VPS35L: variants seen among roughly 807,000 people sequenced by gnomAD.
The protein encoded by VPS35L is VPS35 endosomal protein sorting factor like, also known as VPS35 endosomal protein-sorting factor-like.
In VPS35L, 83 loss-of-function variants were observed where a neutral mutation model predicts 133.0. The observed-to-expected ratio is 0.62, with a 90% CI of 0.52 to 0.75. The LOEUF (loss-of-function observed/expected upper bound fraction) is 0.75, where lower values mean the gene tolerates loss of function less well. Ranked by LOEUF, VPS35L falls within the 30% of genes least tolerant of loss-of-function variation. VPS35L has a pLI of 0.00. For synonymous variants in VPS35L, 423 were observed against 449.9 expected (o/e 0.94, Z 0.76); for missense variants, 1,083 against 1,206.8 (o/e 0.90, Z 1.52).
intron 19 of VPS35L, among the ~76,000 whole-genome samples, chr16:19,636,521 C>T (rs935499091): frequency 1.3e-5 from 2 of 152,162 alleles, no homozygotes; most frequent in African/African-American, 4.8e-5. Flanking sequence ...GACAGCATTG[C>T]AGTGTCTTAC....
chr16:19,581,811 C>T, intron 7 of VPS35L, 158 bp downstream of exon 7: 1 of 929,032 alleles, frequency 1.1e-6, no homozygotes, highest in Non-Finnish European at 1.6e-6. Context: ...GATTATGAAT[C>T]TGTGTTTTTA....
intron 19 of VPS35L, among the ~76,000 whole-genome samples, chr16:19,634,523 G>T (rs1485944037): frequency 6.6e-6 from 1 of 152,018 alleles, no homozygotes; most frequent in Non-Finnish European, 1.5e-5. Flanking sequence ...GGATCAAATG[G>T]AATTAGAACA....
intron 21 of VPS35L, among the ~76,000 whole-genome samples, 166 bp downstream of exon 21, chr16:19,640,266 T>C (rs1259356964): frequency 6.6e-6 from 1 of 151,892 alleles, no homozygotes; most frequent in Non-Finnish European, 1.5e-5. Flanking sequence ...CTGATAAAAG[T>C]TTGTAATTCG....
Position 19,564,934 on chromosome 16 carries a change from C to CAGGAAAATGCTTT in VPS35L, c.101_102insAGGAAAATGCTTT (p.Leu35GlyfsTer47), listed in dbSNP as rs1971140897. ...CCATTGGAGTTTGGGGACTATCACC[C>CAGGAAAATGCTTT]TCTGAAACCCATAACTGTAAGTTTT... On this transcript the variant is annotated frameshift_variant, in exon 2 of 31. Coordinates refer to ENST00000417362, the MANE Select transcript of VPS35L (RefSeq NM_020314.7). LOFTEE classifies it high-confidence loss of function. The CAGGAAAATGCTTT allele has an allele frequency of 6.2e-7, 1 of 1,609,016 alleles. No individual in the cohort carries two copies. Among genetic ancestry groups the CAGGAAAATGCTTT allele is most frequent in the Admixed American group, 1.7e-5 (1 of 59,962 alleles).
chr16:19,691,948 C>T (rs2151626876), intron 29 of VPS35L, among the ~76,000 whole-genome samples: 2 of 151,628 alleles, frequency 1.3e-5, no homozygotes, highest in South Asian at 4.2e-4. Flanking sequence ...AATCTCGGCT[C>T]ACTGCAACCT....
At chr16:19,648,188 T>G (rs1411406447) in intron 24 of VPS35L, among the ~76,000 whole-genome samples, 1 of 152,058 alleles carries the variant, frequency 6.6e-6, no homozygotes, top group Non-Finnish European at 1.5e-5. Flanking sequence ...TGGTCTCAAA[T>G]TCCTCACATC....
intron 3 of VPS35L, among the ~76,000 whole-genome samples, chr16:19,570,873 A>ATTTTT (rs1438392929): frequency 1.8e-5 from 1 of 56,870 alleles, no homozygotes; most frequent in African/African-American, 1.3e-4. Flanking sequence ...ATATATATAT[A>ATTTTT]TATATATATA....
At position 19,563,447 on chromosome 16, in the gene VPS35L, G is replaced by A. The variant is rs573235631; in HGVS notation, c.18-1404G>A. 1.3e-3 allele frequency among the ~76,000 whole-genome samples: 204 copies of A among 152,262 alleles called. 2 individuals are homozygous for A. The South Asian group carries it at 0.037, about 28-fold the overall frequency. On this transcript the variant is annotated intron_variant, in intron 1 of 30. Transcript: ENST00000417362. ...GCCACAGATGTTTCTTGAGTCTGTA[G>A]CTTGATGTCTTTCTTTGGTTTTGGA... is the stretch of plus-strand genomic sequence containing the variant.
chr16:19,571,374 A>G (rs1971380024), intron 3 of VPS35L, among the ~76,000 whole-genome samples: 2 of 151,548 alleles, frequency 1.3e-5, no homozygotes, highest in Admixed American at 1.3e-4. Flanking sequence ...GTGCCACCGC[A>G]CTCAGCTAAT....
intron 26 of VPS35L, among the ~76,000 whole-genome samples, chr16:19,662,424 C>T (rs916909301): frequency 3.3e-5 from 5 of 152,130 alleles, no homozygotes; most frequent in South Asian, 2.1e-4. Context: ...AAGACTGACA[C>T]GGATATTTTG....
chr16:19,561,152 G>C (rs539257888), intron 1 of VPS35L, among the ~76,000 whole-genome samples: 1 of 151,982 alleles, frequency 6.6e-6, no homozygotes, highest in African/African-American at 2.4e-5. Context: ...GGCAGATCAC[G>C]AGGTCGGGAG....
chr16:19,575,604 T>C (rs1971506650), intron 5 of VPS35L, among the ~76,000 whole-genome samples: 2 of 143,510 alleles, frequency 1.4e-5, no homozygotes, highest in Non-Finnish European at 3.0e-5. Flanking sequence ...GGCTCACCTG[T>C]GTAATCCCAG....
chr16:19,608,126 C>T (rs753478991), intron 9 of VPS35L, 52 bp from the exon 10 acceptor site: 13 of 1,398,920 alleles, frequency 9.3e-6, no homozygotes, highest in Non-Finnish European at 1.3e-5. Flanking sequence ...CAGGGACTCA[C>T]ACAGATCCTG....
chr16:19,643,945 C>T (rs1324548637), intron 22 of VPS35L, among the ~76,000 whole-genome samples: 1 of 151,892 alleles, frequency 6.6e-6, no homozygotes, highest in Non-Finnish European at 1.5e-5. Flanking sequence ...GCAACAAGAG[C>T]GAAACTCCAT....
chr16:19,633,102 T>G lies in VPS35L; in HGVS notation c.1565T>G (p.Val522Gly), dbSNP rs759624038. Reference sequence around the variant, plus strand: ...CTTTTTCCTGCTTAGAAACGAGAGGTGAATACCGTTTTGGCAGATGTCATC... The same window carrying G: ...CTTTTTCCTGCTTAGAAACGAGAGGGGAATACCGTTTTGGCAGATGTCATC... ...YTCKHFTKREVNTVLADVIKH... is the reference protein window; with the variant it reads ...YTCKHFTKREGNTVLADVIKH... Residue 522 changes from valine (V) to glycine (G), a missense_variant, in exon 19 of 31, where the codon GTG becomes GGG. Transcript: ENST00000417362. This position sits in a 1 kb window ranked among gnomAD's most constrained non-coding sequence, Gnocchi z 4.1. 2 of 1,614,036 alleles carry G rather than the reference T, an allele frequency of 1.2e-6. No homozygotes were observed. Among genetic ancestry groups the G allele is most frequent in the Non-Finnish European group, 8.5e-7 (1 of 1,179,970 alleles).
chr16:19,654,234 C>CT (rs1974225896), intron 26 of VPS35L, among the ~76,000 whole-genome samples: 1 of 152,164 alleles, frequency 6.6e-6, no homozygotes, highest in Admixed American at 6.5e-5. Flanking sequence ...CTGCCCTACT[C>CT]TGTCACCCCT....
At chr16:19,610,791 T>G (rs546920416) in intron 12 of VPS35L, among the ~76,000 whole-genome samples, 5 of 152,224 alleles carry the variant, frequency 3.3e-5, no homozygotes, top group South Asian at 4.1e-4. Flanking sequence ...TTGATTGCTT[T>G]ATTAGTTTTC....
At chr16:19,659,211 G>A (rs1266396808) in intron 26 of VPS35L, among the ~76,000 whole-genome samples, 3 of 152,108 alleles carry the variant, frequency 2.0e-5, no homozygotes, top group Non-Finnish European at 2.9e-5. Flanking sequence ...GAGACAATAC[G>A]CAACCTCAAA....
At chr16:19,559,277 G>A (rs566539329) in intron 1 of VPS35L, among the ~76,000 whole-genome samples, 5 of 152,144 alleles carry the variant, frequency 3.3e-5, no homozygotes, top group Non-Finnish European at 5.9e-5. Context: ...GATTCTGTAG[G>A]CCTGGGGTAT....
Sources: gnomAD v4.1 joint callset for allele counts (sites outside exome capture counted in the v4.1 genomes callset) on GRCh38, gnomAD v4.1.1 for gene constraint, Gnocchi (gnomAD v3.1) non-coding constraint, MANE v1.5 for transcripts, NCBI Gene and HGNC (gene_info 2026-07-23, HGNC 2026-07-21) for gene names.